Variants in NECTIN1 observed in about 807,000 individuals in gnomAD.
The protein encoded by NECTIN1 is nectin-1.
A neutral mutation model predicts 48.0 loss-of-function variants in NECTIN1; 23 were observed. The observed-to-expected ratio is 0.48, with a 90% CI of 0.34 to 0.68. The LOEUF is 0.68. NECTIN1 is among the 30% of genes least tolerant of loss of function. The pLI, the probability that NECTIN1 is intolerant of heterozygous loss-of-function variation, is 0.01. For synonymous variants in NECTIN1, 270 were observed against 288.9 expected (o/e 0.93, Z 0.66); for missense variants, 591 against 709.9 (o/e 0.83, Z 1.90).
rs1369135179 is a variant in NECTIN1 at position 119,729,067 on chromosome 11, C to G, written c.-514G>C. On this transcript the variant is annotated 5_prime_UTR_variant, in exon 1 of 6. Transcript: ENST00000264025. ...GCGCGGGGCTCGGCGGTCGGCGGCC[C>G]GGGTGGCTCTGGCTGCGCGGCCGGG... 6.6e-6 allele frequency: 1 copy of G among 150,938 alleles called. No homozygotes were observed. The highest frequency in any genetic ancestry group is 1.5e-5 in the Non-Finnish European group (1 of 67,396). 9.3% of individuals were successfully genotyped at this position (150,938 alleles called of 1,614,324 possible).
Position 119,654,539 on chromosome 11 carries a change from T to C in NECTIN1, c.1004-14527A>G, listed in dbSNP as rs1033201560. 4.6e-4 allele frequency among the ~76,000 whole-genome samples: 34 copies of C among 73,490 alleles called. 1 individual carries two copies. The highest frequency in any genetic ancestry group is 3.2e-5 in the Non-Finnish European group (1 of 30,984). 48.2% of individuals were successfully genotyped at this position (73,490 alleles called of 152,430 possible). On this transcript the variant is annotated intron_variant, in intron 5 of 7. Transcript: ENST00000341398. ...CCTCAGAATGGGAGGGAGATGGCAA[T>C]GTGTGTGTGCGTGTGTGTGTGTTTC...
intron 1 of NECTIN1, among the ~76,000 whole-genome samples, chr11:119,701,683 T>C (rs1260156158): frequency 6.6e-6 from 1 of 152,194 alleles, no homozygotes; most frequent in East Asian, 1.9e-4. Flanking sequence ...AGGGGAGATG[T>C]TAATTAGTTC....
At chr11:119,725,645 C>T (rs1476434258) in intron 1 of NECTIN1, among the ~76,000 whole-genome samples, 2 of 152,196 alleles carry the variant, frequency 1.3e-5, no homozygotes, top group African/African-American at 4.8e-5. Flanking sequence ...AGGAAAATAA[C>T]CCAATAGCCC....
At position 119,678,780 on chromosome 11, in the gene NECTIN1, G is replaced by A; in HGVS notation, c.80-15C>T. On this transcript the variant is annotated splice_polypyrimidine_tract_variant and intron_variant, in intron 1 of 5. Transcript: ENST00000264025. The surrounding 1 kb of genome is among the most constrained non-coding windows in gnomAD (Gnocchi z 4.4). The stretch of plus-strand genomic sequence containing the variant: ...GGAGTGGACGCCTGGCCAGGAGGAT[G>A]GCAGCAAGTGGTCAGTGTCAGGCAC... 6.3e-7 allele frequency: 1 copy of A among 1,578,518 alleles called. No homozygotes were observed. The highest frequency in any genetic ancestry group is 8.6e-7 in the Non-Finnish European group (1 of 1,159,034).
intron 1 of NECTIN1, 22 bp downstream of exon 1, chr11:119,728,453 C>T: frequency 6.3e-7 from 1 of 1,586,178 alleles, no homozygotes; most frequent in East Asian, 2.3e-5. Context: ...GGGGTGGGGA[C>T]AGCAGAGGTG....
chr11:119,673,831 C>T lies in NECTIN1; in HGVS notation c.1003+1328G>A, dbSNP rs566882446. ...CCCGCTGGGGAGAAGTGTGTGACAC[C>T]GGCCCCTTCCACCTGCCAACCCGTG... On this transcript the variant is annotated intron_variant, in intron 5 of 5. Transcript: ENST00000264025. The surrounding 1 kb of genome is among the most constrained non-coding windows in gnomAD (Gnocchi z 5.8). Among the ~76,000 whole-genome samples, 30 of 152,290 alleles carry T rather than the reference C, an allele frequency of 2.0e-4. No individual in the cohort carries two copies. Among genetic ancestry groups the T allele is most frequent in the African/African-American group, 6.5e-4 (27 of 41,564 alleles).
chr11:119,689,510 G>A (rs1865215544), intron 1 of NECTIN1, among the ~76,000 whole-genome samples: 1 of 152,244 alleles, frequency 6.6e-6, no homozygotes, highest in Admixed American at 6.5e-5. Flanking sequence ...TCTGCTGTGG[G>A]AGGGAGCTGC....
chr11:119,641,547 G>C (rs1864323328), intron 5 of NECTIN1: 1 of 152,088 alleles, frequency 6.6e-6, no homozygotes, highest in African/African-American at 2.4e-5. Flanking sequence ...CAGGTAGCTA[G>C]TAGGAGCCAC....
Position 119,677,492 on chromosome 11 carries a change from G to A in NECTIN1, c.733+63C>T, listed in dbSNP as rs1021659069. ...AAAGAGAAAGGGAGGAGAAAGGAGA[G>A]GAGGAGGGAGGAGGGACAGTGGCGC... is the stretch of plus-strand genomic sequence containing the variant. On this transcript the variant is annotated intron_variant, in intron 3 of 5. Coordinates refer to ENST00000264025, the MANE Select transcript of NECTIN1 (RefSeq NM_002855.5). The surrounding 1 kb of genome is among the most constrained non-coding windows in gnomAD (Gnocchi z 5.4). 6 of 1,539,508 alleles carry A rather than the reference G, an allele frequency of 3.9e-6. No individual in the cohort carries two copies. In the African/African-American group the frequency reaches 6.8e-5, roughly 18 times the overall value.
intron 5 of NECTIN1, among the ~76,000 whole-genome samples, chr11:119,651,805 A>G (rs1864495253): frequency 6.6e-6 from 1 of 152,150 alleles, no homozygotes; most frequent in African/African-American, 2.4e-5. Context: ...GGGCTGTCTA[A>G]GAGCTCTGGG....
At chr11:119,639,402 T>A (rs572079684) in intron 6 of NECTIN1, 24 of 195,948 alleles carry the variant, frequency 1.2e-4, no homozygotes, top group African/African-American at 4.9e-4. Flanking sequence ...TTTGATTTTT[T>A]TAAAATATCA....
chr11:119,689,341 C>T (rs1016446193), intron 1 of NECTIN1, among the ~76,000 whole-genome samples: 2 of 152,194 alleles, frequency 1.3e-5, no homozygotes, highest in African/African-American at 2.4e-5. Context: ...CATGTGCACA[C>T]GCACCTTCCC....
At position 119,665,032 on chromosome 11, in the gene NECTIN1, G is replaced by A. The variant is rs751351358; in HGVS notation, c.1269C>T (p.Asp423=). The change falls in exon 6 of 6, where the codon GAC becomes GAT. Residue 423 remains aspartate (D), a synonymous_variant. Transcript: ENST00000264025. The surrounding 1 kb of genome is among the most constrained non-coding windows in gnomAD (Gnocchi z 5.1). ...AQNLQYPDDS[D]DEKKAGPLGG... ...CCAGTGGGCCGGCCTTCTTCTCGTC[G>A]TCTGAGTCGTCGGGGTACTGCAGGT... 9.3e-6 allele frequency: 15 copies of A among 1,613,806 alleles called. No individual in the cohort carries two copies. The Admixed American group carries it at 1.0e-4, about 11-fold the overall frequency.
chr11:119,716,855 C>T (rs1373358002), intron 1 of NECTIN1, among the ~76,000 whole-genome samples: 1 of 152,242 alleles, frequency 6.6e-6, no homozygotes, highest in Non-Finnish European at 1.5e-5. Flanking sequence ...TGCACACGCG[C>T]GCGCACGCAC....
rs767573357 is a variant in NECTIN1 at position 119,664,850 on chromosome 11, C to A, written c.1451G>T (p.Arg484Leu). Residue 484 changes from arginine (R) to leucine (L), a missense_variant, in exon 6 of 6, where the codon CGG becomes CTG. Physicochemically the swap from Arg to Leu is moderately radical, Grantham distance 102. Coordinates refer to ENST00000264025, the MANE Select transcript of NECTIN1 (RefSeq NM_002855.5). ...AEARQDGYGD[R>L]TLGYQYDPEQ... ...AGGGTCGTACTGGTAGCCCAGAGTC[C>A]GGTCCCCGTAGCCGTCCTGACGGGC... is the stretch of plus-strand genomic sequence containing the variant. 6.2e-7 allele frequency: 1 copy of A among 1,613,900 alleles called. No individual in the cohort carries two copies. Among genetic ancestry groups the A allele is most frequent in the African/African-American group, 1.3e-5 (1 of 75,020 alleles).
downstream of NECTIN1, among the ~76,000 whole-genome samples, chr11:119,658,159 T>C (rs1401273989): frequency 1.3e-5 from 2 of 152,164 alleles, no homozygotes; most frequent in Admixed American, 1.3e-4. Context: ...AAGATGAGCT[T>C]GGATGCAGAG....
chr11:119,638,884 G>A (rs754881806), intron 6 of NECTIN1: 180 of 1,298,888 alleles, frequency 1.4e-4, no homozygotes, highest in Non-Finnish European at 1.9e-4. Context: ...GACAGCTACC[G>A]GTCCCTGAGC....
In NECTIN1 at chr11:119,638,955, G is replaced by C. The variant is rs560243336; in HGVS notation, c.1152-149C>G. ...CCAGGCAGCCTCCTGAGAGGCCAGA[G>C]CTTGGGCTGGGGCTCCTCAGGGGTC... On this transcript the variant is annotated intron_variant, in intron 6 of 7. Coordinates refer to the NECTIN1 transcript ENST00000341398. 119 of 662,176 alleles carry C rather than the reference G, an allele frequency of 1.8e-4. 1 individual carries two copies. In the African/African-American group the frequency reaches 3.2e-3, roughly 18 times the overall value. The allele number at this position is 662,176 out of a possible 1,614,324, so 41.0% of individuals were successfully genotyped here. A position where few individuals can be genotyped will look rare whatever the true frequency, so the allele number is the denominator to read the frequency against.
intron 5 of NECTIN1, among the ~76,000 whole-genome samples, chr11:119,650,063 G>A (rs192643464): frequency 1.2e-4 from 18 of 151,386 alleles, no homozygotes; most frequent in African/African-American, 3.9e-4. Flanking sequence ...ACAGTCAAAG[G>A]GGGGTTGTTA....
Sources: allele counts gnomAD v4.1 joint callset (sites outside exome capture counted in the v4.1 genomes callset), GRCh38; gene constraint gnomAD v4.1.1; non-coding constraint Gnocchi (gnomAD v3.1); transcripts MANE v1.5; gene names NCBI Gene and HGNC (gene_info 2026-07-23, HGNC 2026-07-21).